The following CHD2 variants were observed in gnomAD, a reference collection of about 807,000 sequenced individuals.
CHD2 encodes ATP-dependent chromatin remodeler CHD2.
A neutral mutation model predicts 243.9 loss-of-function variants in CHD2; 28 were observed. That is an observed-to-expected ratio of 0.11 (90% CI 0.09 to 0.16). The LOEUF is 0.16. CHD2 is among the 10% of genes least tolerant of loss of function. The pLI is 1.00. For missense variants in CHD2, 1,386 were observed against 2,209.8 expected (o/e 0.63, Z 7.47); for synonymous variants, 775 against 779.0 (o/e 0.99, Z 0.09).
chr15:92,964,398 GA>G (rs988101242), intron 16 of CHD2, among the ~76,000 whole-genome samples: 2 of 152,190 alleles, frequency 1.3e-5, no homozygotes, highest in African/African-American at 4.8e-5. Context: ...ATAGTCTTGT[GA>G]AGTATTTTGC....
Position 93,014,552 on chromosome 15 carries a change from C to CT in CHD2, c.4693-136dup, listed in dbSNP as rs199887394. ...TAGCCTAACAGTGGAATTTATGAGC[C>CT]TTTTTTTTGTTAGGAGGTAGTAAAC... is the stretch of plus-strand genomic sequence containing the variant. On this transcript the variant is annotated intron_variant, in intron 36 of 38. Coordinates refer to ENST00000394196, the MANE Select transcript of CHD2 (RefSeq NM_001271.4). The CT allele has an allele frequency of 1.1e-3, 779 of 683,308 alleles. 5 individuals carry two copies. The African/African-American group carries it at 0.012, about 10-fold the overall frequency. 42.3% of individuals were successfully genotyped at this position (683,308 alleles called of 1,614,324 possible).
At position 93,020,012 on chromosome 15, in the gene CHD2, A is replaced by G. The variant is rs765339868; in HGVS notation, c.4907A>G (p.Asp1636Gly). Reference sequence around the variant, plus strand: ...CAGATCATTCTTTCTTTTCCTGCAGATCGAGGAGACTGGCAGAGGGAAAGA... The same window carrying G: ...CAGATCATTCTTTCTTTTCCTGCAGGTCGAGGAGACTGGCAGAGGGAAAGA... ...HPNKRHFSNA[D>G]RGDWQRERKF... Residue 1636 changes from aspartate to glycine, a missense_variant and splice_region_variant, in exon 38 of 39, where the codon GAT becomes GGT. Asp to Gly is a moderately conservative substitution (Grantham distance 94). This residue lies in a region of CHD2 where 347 missense variants were observed against 341.6 expected (regional missense o/e 1.02). Transcript: ENST00000394196. 4 of 1,609,420 alleles carry G rather than the reference A, an allele frequency of 2.5e-6. No homozygotes were observed. In the South Asian group the frequency reaches 3.3e-5, roughly 13 times the overall value.
In CHD2 at chr15:92,900,588, A is replaced by G. The variant is rs2052515278; in HGVS notation, c.-308A>G. On this transcript the variant is annotated 5_prime_UTR_variant, in exon 1 of 39. Transcript: ENST00000394196. Reference sequence around the variant, plus strand: ...CCCAGGTCGTTGTTTTTTCCAGCTTAGAAGCCATGGCGCACCTCCATTTTT... The same window carrying G: ...CCCAGGTCGTTGTTTTTTCCAGCTTGGAAGCCATGGCGCACCTCCATTTTT... 4 of 398,608 alleles carry G rather than the reference A, an allele frequency of 1.0e-5. No individual in the cohort carries two copies. In the East Asian group the frequency reaches 1.4e-4, roughly 14 times the overall value. 24.7% of individuals were successfully genotyped at this position (398,608 alleles called of 1,614,324 possible). A position where few individuals can be genotyped will look rare whatever the true frequency, so the allele number is the denominator to read the frequency against.
intron 17 of CHD2, among the ~76,000 whole-genome samples, chr15:92,968,309 C>A (rs2053794490): frequency 6.6e-6 from 1 of 152,000 alleles, no homozygotes; most frequent in Non-Finnish European, 1.5e-5. Context: ...ATCGCTTGAG[C>A]CCAGTAGTTT....
rs57621949 is a variant in CHD2 at position 92,909,939 on chromosome 15, CGTGT to C, written c.62+8667_62+8670del. On this transcript the variant is annotated intron_variant, in intron 2 of 38. Coordinates refer to ENST00000394196, the MANE Select transcript of CHD2 (RefSeq NM_001271.4). ...GTAAGGGACTGTTTTAAGGGTTTTA[CGTGT>C]GTGTGTGTGTGTGTGTGTGTGTGTG... 6.4e-4 allele frequency among the ~76,000 whole-genome samples: 95 copies of C among 149,222 alleles called. 1 individual carries two copies. The highest frequency in any genetic ancestry group is 1.3e-3 in the South Asian group (6 of 4,686).
intron 16 of CHD2, among the ~76,000 whole-genome samples, chr15:92,961,630 T>C (rs1387669779): frequency 4.6e-5 from 7 of 152,168 alleles, no homozygotes; most frequent in African/African-American, 1.4e-4. Context: ...CAGGTTGGTC[T>C]CGAACTTCTG....
At chr15:92,940,804 T>C (rs928019610) in intron 7 of CHD2, among the ~76,000 whole-genome samples, 6 of 139,432 alleles carry the variant, frequency 4.3e-5, no homozygotes, top group Admixed American at 1.5e-4. Flanking sequence ...AATATATAAA[T>C]AAATATAAAT....
chr15:92,950,462 A>G (rs910104001), intron 13 of CHD2: 1 of 152,162 alleles, frequency 6.6e-6, no homozygotes, highest in Non-Finnish European at 1.5e-5. Context: ...CAACCTACAC[A>G]CTTCTTTCCC....
intron 38 of CHD2, 32 bp from the exon 39 acceptor site, chr15:93,024,340 T>A (rs1390574865): frequency 1.3e-6 from 2 of 1,584,980 alleles, no homozygotes; most frequent in Admixed American, 3.4e-5. Flanking sequence ...CTGGCTTCAG[T>A]CTTTCGACTA....
At chr15:92,972,053 G>A in intron 18 of CHD2, 126 bp downstream of exon 18, 2 of 1,095,536 alleles carry the variant, frequency 1.8e-6, no homozygotes, top group Non-Finnish European at 2.6e-6. Context: ...TTTAAAAATG[G>A]GAGAGAAAAG....
chr15:92,904,081 TCC>T (rs769055481), intron 2 of CHD2, among the ~76,000 whole-genome samples: 13 of 152,192 alleles, frequency 8.5e-5, no homozygotes, highest in Non-Finnish European at 1.6e-4. Context: ...CCTATTTCCT[TCC>T]CCCTCTCTGC....
intron 35 of CHD2, among the ~76,000 whole-genome samples, chr15:93,011,565 T>TTA (rs1352180117): frequency 2.0e-5 from 3 of 152,148 alleles, no homozygotes; most frequent in Admixed American, 6.5e-5. Flanking sequence ...GGCTTACTAG[T>TTA]TAGGGAGCCT....
chr15:93,005,839 A>G (rs536320846), intron 34 of CHD2, among the ~76,000 whole-genome samples: 8 of 152,288 alleles, frequency 5.3e-5, no homozygotes, highest in Admixed American at 1.3e-4. Flanking sequence ...CAGCTAACCA[A>G]TCTGTTTCCT....
intron 5 of CHD2, 105 bp downstream of exon 5, chr15:92,929,196 C>T (rs2053119385): frequency 9.8e-7 from 1 of 1,019,866 alleles, no homozygotes; most frequent in Admixed American, 2.3e-5. Context: ...GTCCCTTAGT[C>T]TGCTTCTGTC....
chr15:92,933,998 A>AT (rs1385761148), intron 5 of CHD2, among the ~76,000 whole-genome samples: 1 of 151,628 alleles, frequency 6.6e-6, no homozygotes, highest in East Asian at 1.9e-4. Context: ...GATCATTGGA[A>AT]TTTTTTTTTC....
rs2052515540 is a variant in CHD2, at chr15:92,900,619, C to G, written c.-277C>G. The G allele has an allele frequency of 2.5e-6, 1 of 398,490 alleles. No individual in the cohort carries two copies. The highest frequency in any genetic ancestry group is 4.4e-6 in the Non-Finnish European group (1 of 226,056). 24.7% of individuals were successfully genotyped at this position (398,490 alleles called of 1,614,324 possible). ...CATGGCGCACCTCCATTTTTGTGCG[C>G]TCTCCTAATGAGGTTTTTTTTCTTT... On this transcript the variant is annotated 5_prime_UTR_variant, in exon 1 of 39. Coordinates refer to ENST00000394196, the MANE Select transcript of CHD2 (RefSeq NM_001271.4).
At chr15:93,021,785 G>C (rs1324874738) in intron 38 of CHD2, 2 of 152,172 alleles carry the variant, frequency 1.3e-5, no homozygotes, top group African/African-American at 4.8e-5. Flanking sequence ...TGATGTCCTT[G>C]TCTGCGAATC....
Position 93,027,002 on chromosome 15 carries a change from G to C in CHD2, c.*2297G>C, listed in dbSNP as rs1251816973. On this transcript the variant is annotated 3_prime_UTR_variant, in exon 39 of 39. Coordinates refer to ENST00000394196, the MANE Select transcript of CHD2 (RefSeq NM_001271.4). The stretch of plus-strand genomic sequence containing the variant: ...CGTGAGGAAAAAGAAACTTCCTTTT[G>C]TTCACATTTAGGACTCTCAGTGCCA... 6.5e-6 allele frequency: 1 copy of C among 152,730 alleles called. No individual in the cohort carries two copies. The highest frequency in any genetic ancestry group is 2.1e-4 in the South Asian group (1 of 4,820). 9.5% of individuals were successfully genotyped at this position (152,730 alleles called of 1,614,324 possible).
At chr15:92,938,164 G>C (rs1346733172) in intron 6 of CHD2, among the ~76,000 whole-genome samples, 3 of 152,150 alleles carry the variant, frequency 2.0e-5, no homozygotes, top group Non-Finnish European at 1.5e-5. Flanking sequence ...TATGCCCTTT[G>C]GGCCAAATTT....
Sources: gnomAD v4.1 joint callset for allele counts (sites outside exome capture counted in the v4.1 genomes callset) on GRCh38, gnomAD v4.1.1 for gene constraint, gnomAD v4.1.1 regional missense constraint, MANE v1.5 for transcripts, NCBI Gene and HGNC (gene_info 2026-07-23, HGNC 2026-07-21) for gene names.